Variants in PFKFB2 observed in about 807,000 individuals in gnomAD.
PFKFB2 encodes 6-phosphofructo-2-kinase/fructose-2,6-bisphosphatase 2.
Under a neutral mutation model 68.0 loss-of-function variants are expected in PFKFB2, and 53 were observed. That is an observed-to-expected ratio of 0.78 (90% CI 0.63 to 0.98). The LOEUF is 0.98. Among genes scored for constraint, PFKFB2 ranks in the 50% least tolerant of loss-of-function variants. The pLI is 0.00. For missense variants in PFKFB2, 451 were observed against 642.0 expected (o/e 0.70, Z 3.22); for synonymous variants, 222 against 227.6 (o/e 0.98, Z 0.22).
downstream of PFKFB2, among the ~76,000 whole-genome samples, chr1:207,078,577 G>A (rs1387955570): frequency 6.6e-6 from 1 of 152,194 alleles, no homozygotes; most frequent in Non-Finnish European, 1.5e-5. Flanking sequence ...CAGAAGCCAA[G>A]TAGCCCCTGA....
upstream of PFKFB2, chr1:207,049,810 G>T: frequency 7.8e-7 from 1 of 1,274,674 alleles, no homozygotes; most frequent in East Asian, 2.5e-5. Flanking sequence ...ATTACAAACT[G>T]AAGGAGTTAA....
At chr1:207,068,394 C>T in intron 10 of PFKFB2, 85 bp downstream of exon 10, 2 of 1,182,566 alleles carry the variant, frequency 1.7e-6, no homozygotes, top group Non-Finnish European at 1.1e-6. Context: ...ACAGTTTTAT[C>T]TAGGAAACTA....
intron 1 of PFKFB2, 65 bp from the exon 2 acceptor site, chr1:207,054,636 A>T (rs1682862792): frequency 8.8e-7 from 1 of 1,137,868 alleles, no homozygotes; most frequent in East Asian, 2.5e-5. Flanking sequence ...CAATGCACTG[A>T]CTTTTTTTAA....
intron 1 of PFKFB2, among the ~76,000 whole-genome samples, chr1:207,053,626 G>T (rs984644201): frequency 6.6e-6 from 1 of 152,140 alleles, no homozygotes; most frequent in African/African-American, 2.4e-5. Flanking sequence ...CATGAGCTCA[G>T]GACTTTCCCA....
intron 2 of PFKFB2, chr1:207,045,597 CA>C (rs60778314): frequency 0.038 from 5,060 of 133,706 alleles, 226 homozygotes; most frequent in African/African-American, 0.12. Context: ...CCTGATTTGT[CA>C]AAAAAAAAAA....
At position 207,063,345 on chromosome 1, in the gene PFKFB2, A is replaced by G. The variant is rs1482790854; in HGVS notation, c.376-2A>G. On this transcript the variant is annotated splice_acceptor_variant, in intron 5 of 14. Transcript: ENST00000367080. LOFTEE classifies it high-confidence loss of function. This position sits in a 1 kb window ranked among gnomAD's most constrained non-coding sequence, Gnocchi z 4.1. The stretch of plus-strand genomic sequence containing the variant: ...CATTTACCTTGTGTACTTTCTTCAC[A>G]GGTGTTTGATGCCACCAATACAACC... 6.2e-7 allele frequency: 1 copy of G among 1,611,960 alleles called. No individual in the cohort carries two copies. The highest frequency in any genetic ancestry group is 1.7e-5 in the Admixed American group (1 of 60,020).
At chr1:207,068,086 TGTGTGTTGA>T in intron 9 of PFKFB2, 68 bp from the exon 10 acceptor site, 1 of 931,194 alleles carries the variant, frequency 1.1e-6, no homozygotes. Context: ...TTTGTGTATG[TGTGTGTTGA>T]GTGTGTGTGT....
In PFKFB2 at chr1:207,075,536, C is replaced by T. The variant is rs1488772229; in HGVS notation, c.*3165C>T. 1.7e-5 allele frequency: 17 copies of T among 984,848 alleles called. No homozygotes were observed. Among genetic ancestry groups the T allele is most frequent in the African/African-American group, 3.5e-5 (2 of 57,246 alleles). The allele number at this position is 984,848 out of a possible 1,614,324, so 61.0% of individuals were successfully genotyped here. A position where few individuals can be genotyped will look rare whatever the true frequency, so the allele number is the denominator to read the frequency against. ...TACATTACTATGACTGTGTCTATCA[C>T]AAGTCCTACAAAATAAAAATGGACT... is the stretch of plus-strand genomic sequence containing the variant. On this transcript the variant is annotated 3_prime_UTR_variant, in exon 15 of 15. Transcript: ENST00000367080.
intron 2 of PFKFB2, among the ~76,000 whole-genome samples, chr1:207,057,478 AG>A (rs1286752835): frequency 1.4e-5 from 2 of 146,156 alleles, no homozygotes; most frequent in South Asian, 2.1e-4. Context: ...ACTCCATCTC[AG>A]GGGGAAAAAA....
upstream of PFKFB2, chr1:207,051,072 G>C: frequency 6.8e-7 from 1 of 1,464,890 alleles, no homozygotes; most frequent in Non-Finnish European, 9.0e-7. Context: ...CGACGCTTCG[G>C]TGCGGCTTCT....
At position 207,063,765 on chromosome 1, in the gene PFKFB2, A is replaced by C. The variant is rs780665577; in HGVS notation, c.451-8A>C. 1.9e-6 allele frequency: 3 copies of C among 1,613,138 alleles called. No homozygotes were observed. The highest frequency in any genetic ancestry group is 2.5e-6 in the Non-Finnish European group (3 of 1,179,136). Reference sequence around the variant, plus strand: ...ACTTGCTTATCACTGCCTTCTCTCCATGGCCAGGTATTCTTTGTGGAATCC... The same window carrying C: ...ACTTGCTTATCACTGCCTTCTCTCCCTGGCCAGGTATTCTTTGTGGAATCC... On this transcript the variant is annotated splice_polypyrimidine_tract_variant and splice_region_variant and intron_variant, in intron 6 of 14. Coordinates refer to ENST00000367080, the MANE Select transcript of PFKFB2 (RefSeq NM_006212.2). The surrounding 1 kb of genome is among the most constrained non-coding windows in gnomAD (Gnocchi z 4.1).
upstream of PFKFB2, chr1:207,049,498 A>G: frequency 6.2e-7 from 1 of 1,614,156 alleles, no homozygotes; most frequent in Non-Finnish European, 8.5e-7. Context: ...ATCGCTTGCT[A>G]CAATTTGTGC....
chr1:207,076,667 T>C lies in PFKFB2; in HGVS notation c.*4296T>C, dbSNP rs528652091. 1.0e-6 allele frequency: 1 copy of C among 979,892 alleles called. No homozygotes were observed. Among genetic ancestry groups the C allele is most frequent in the Non-Finnish European group, 1.2e-6 (1 of 824,860 alleles). The allele number at this position is 979,892 out of a possible 1,614,324, so 60.7% of individuals were successfully genotyped here. A position where few individuals can be genotyped will look rare whatever the true frequency, so the allele number is the denominator to read the frequency against. Reference sequence around the variant, plus strand: ...CAGACTTTAGTGTCTGTGTGCTGACTGACAGACTCTAGTAGTGTCTATATG... The same window carrying C: ...CAGACTTTAGTGTCTGTGTGCTGACCGACAGACTCTAGTAGTGTCTATATG... On this transcript the variant is annotated 3_prime_UTR_variant, in exon 15 of 15. Coordinates refer to ENST00000367080, the MANE Select transcript of PFKFB2 (RefSeq NM_006212.2).
chr1:207,035,962 G>A (rs1373495905), intron 1 of PFKFB2, among the ~76,000 whole-genome samples: 6 of 152,148 alleles, frequency 3.9e-5, no homozygotes, highest in African/African-American at 9.7e-5. Context: ...TTATCACATA[G>A]TACGTTAGTC....
intron 2 of PFKFB2, chr1:207,047,862 G>T (rs922726591): frequency 1.1e-4 from 17 of 152,322 alleles, no homozygotes; most frequent in African/African-American, 4.1e-4. Flanking sequence ...CAAAGTAAAA[G>T]ATTGCAGATA....
chr1:207,045,687 T>C (rs1307073795), intron 2 of PFKFB2: 2 of 151,950 alleles, frequency 1.3e-5, no homozygotes, highest in African/African-American at 2.4e-5. Flanking sequence ...TATGTTTAGC[T>C]TAGGGCAACT....
rs2808459 is a variant in PFKFB2 at position 207,061,814 on chromosome 1, G to A, written c.86-139G>A. On this transcript the variant is annotated intron_variant, in intron 2 of 14. Coordinates refer to ENST00000367080, the MANE Select transcript of PFKFB2 (RefSeq NM_006212.2). Reference sequence around the variant, plus strand: ...GGAGAATCACTTGAACCTGGGAGGCGGAGGTTGCAATGAGCTGAGATCACG... The same window carrying A: ...GGAGAATCACTTGAACCTGGGAGGCAGAGGTTGCAATGAGCTGAGATCACG... 17,178 of 690,856 alleles carry A rather than the reference G, an allele frequency of 0.025. 2,065 individuals are homozygous for A. The African/African-American group carries it at 0.26, about 11-fold the overall frequency. The allele number at this position is 690,856 out of a possible 1,614,324, so 42.8% of individuals were successfully genotyped here.
chr1:207,067,175 G>C (rs935733418), intron 8 of PFKFB2, among the ~76,000 whole-genome samples: 7 of 152,102 alleles, frequency 4.6e-5, no homozygotes, highest in African/African-American at 1.7e-4. Flanking sequence ...CCAAATTTTG[G>C]GCTTAGCAAA....
At chr1:207,065,968 G>A (rs1028454114) in intron 8 of PFKFB2, among the ~76,000 whole-genome samples, 1 of 152,138 alleles carries the variant, frequency 6.6e-6, no homozygotes. Context: ...AGTTTTTAAA[G>A]TTTATATATA....
Sources: gnomAD v4.1 joint callset for allele counts (sites outside exome capture counted in the v4.1 genomes callset) on GRCh38, gnomAD v4.1.1 for gene constraint, Gnocchi (gnomAD v3.1) non-coding constraint, MANE v1.5 for transcripts, NCBI Gene and HGNC (gene_info 2026-07-23, HGNC 2026-07-21) for gene names.